Variants in SCML2 observed in about 807,000 individuals in gnomAD.
SCML2 encodes the protein Scm polycomb group protein like 2.
SCML2 carries 6 observed loss-of-function variants against 48.4 expected under a neutral mutation model. That is an observed-to-expected ratio of 0.12 (90% confidence interval 0.07 to 0.24). The LOEUF is 0.24. Ranked by LOEUF, SCML2 falls within the 10% of genes least tolerant of loss-of-function variation. The pLI, the probability that SCML2 is intolerant of heterozygous loss-of-function variation, is 1.00. For synonymous variants in SCML2, 181 were observed against 189.5 expected, an observed-to-expected ratio of 0.95 and a Z score of 0.37; for missense variants, 377 against 528.2, an observed-to-expected ratio of 0.71 and a Z score of 2.81.
intron 11 of SCML2, among the ~76,000 whole-genome samples, chrX:18,251,309 CAAAAAAAAAAAA>C (rs750658948): frequency 0.05 from 340 of 6,762 alleles, 10 homozygotes; most frequent in Admixed American, 0.26. Context: ...GATTCCATTG[CAAAAAAAAAAAA>C]AAAAAAAAAA....
At chrX:18,305,834 T>A (rs1428751038) in intron 6 of SCML2, among the ~76,000 whole-genome samples, 2 of 110,809 alleles carry the variant, frequency 1.8e-5, no homozygotes, top group Admixed American at 1.9e-4. Context: ...ATGGGGTCAT[T>A]TATAATACCC....
chrX:18,307,375 A>G (rs976542237), intron 6 of SCML2, among the ~76,000 whole-genome samples: 2 of 112,031 alleles, frequency 1.8e-5, no homozygotes, highest in African/African-American at 3.2e-5. Flanking sequence ...GTAAGTAAGA[A>G]GCAGTGTTAC....
chrX:18,343,923 TAAAA>T (rs1203495780), intron 1 of SCML2, among the ~76,000 whole-genome samples: 1 of 53,351 alleles, frequency 1.9e-5, no homozygotes, highest in East Asian at 5.5e-4. Context: ...TGCCTCTATT[TAAAA>T]AAAAAAAAAA....
chrX:18,254,537 T>G (rs1926771910), intron 11 of SCML2, among the ~76,000 whole-genome samples: 1 of 112,696 alleles, frequency 8.9e-6, no homozygotes, highest in African/African-American at 3.2e-5. Flanking sequence ...AAACATTTTG[T>G]GTTCAATTTA....
chrX:18,351,529 C>G (rs138906296), intron 1 of SCML2, among the ~76,000 whole-genome samples: 1 of 110,017 alleles, frequency 9.1e-6, no homozygotes, highest in Non-Finnish European at 1.9e-5. Flanking sequence ...TCTTGTATAT[C>G]CTAAAAATCA....
chrX:18,298,261 A>G (rs984760798), intron 7 of SCML2, among the ~76,000 whole-genome samples: 2 of 111,780 alleles, frequency 1.8e-5, no homozygotes, highest in Non-Finnish European at 3.8e-5. Context: ...AGAAATAGAA[A>G]AAACAATCCT....
chrX:18,319,492 T>G (rs973439161), intron 6 of SCML2, among the ~76,000 whole-genome samples: 2 of 106,407 alleles, frequency 1.9e-5, no homozygotes, highest in African/African-American at 7.0e-5. Flanking sequence ...CCCAGCTACT[T>G]GGGAGGCTAA....
chrX:18,277,294 C>G (rs1569146068), intron 7 of SCML2, among the ~76,000 whole-genome samples: 1 of 111,724 alleles, frequency 9.0e-6, no homozygotes. Context: ...TGGTCTCAAC[C>G]TCCTGGCCTC....
intron 1 of SCML2, among the ~76,000 whole-genome samples, chrX:18,343,510 C>T (rs994509743): frequency 1.8e-5 from 2 of 110,675 alleles, no homozygotes; most frequent in African/African-American, 3.3e-5. Context: ...GCCTGTAACA[C>T]AGCATTTTGG....
chrX:18,287,251 A>G (rs1602107123), intron 7 of SCML2, among the ~76,000 whole-genome samples: 1 of 112,257 alleles, frequency 8.9e-6, no homozygotes, highest in African/African-American at 3.2e-5. Context: ...GGGGTCTGAC[A>G]GAACTTCTCA....
At chrX:18,349,810 CA>C (rs777631205) in intron 1 of SCML2, among the ~76,000 whole-genome samples, 3 of 109,496 alleles carry the variant, frequency 2.7e-5, no homozygotes, top group African/African-American at 6.6e-5. Flanking sequence ...AAAAAACAAA[CA>C]AAAAAAAACC....
chrX:18,354,389 A>AGGGGCGTCCGC (rs1184434760), intron 1 of SCML2, among the ~76,000 whole-genome samples: 74 of 111,651 alleles, frequency 6.6e-4, no homozygotes, highest in African/African-American at 2.0e-3. Context: ...AGATCGGCTG[A>AGGGGCGTCCGC]AGGGCGTCCG....
rs1929411186 is a variant in SCML2, at chrX:18,324,225, G to GT, written c.163-133dup. On this transcript the variant is annotated intron_variant, in intron 4 of 14. Coordinates refer to ENST00000251900, the MANE Select transcript of SCML2 (RefSeq NM_006089.3). ...GTGGATGATGAGTGAGGTCAGAGCT[G>GT]TAAGAGTCAAGGAAAAGATCTTCAA... 12 of 454,757 alleles carry GT rather than the reference G, an allele frequency of 2.6e-5. No individual in the cohort carries two copies. The South Asian group carries it at 4.3e-4, about 16-fold the overall frequency. 37.5% of individuals were successfully genotyped at this position (454,757 alleles called of 1,213,427 possible).
In SCML2 at chrX:18,241,101, T is replaced by A. The variant is rs1926250681; in HGVS notation, c.*150A>T. On this transcript the variant is annotated 3_prime_UTR_variant, in exon 15 of 15. Coordinates refer to ENST00000251900, the MANE Select transcript of SCML2 (RefSeq NM_006089.3). The stretch of plus-strand genomic sequence containing the variant: ...GGTGACTCCAGGAAAAAAACAAAGT[T>A]GACTGAACTGTTACTACAGTTCTGC... 2 of 451,304 alleles carry A rather than the reference T, an allele frequency of 4.4e-6. No individual in the cohort carries two copies. The highest frequency in any genetic ancestry group is 5.1e-5 in the African/African-American group (2 of 39,559). The allele number at this position is 451,304 out of a possible 1,213,427, so 37.2% of individuals were successfully genotyped here.
intron 13 of SCML2, among the ~76,000 whole-genome samples, chrX:18,244,878 G>GT (rs1174630365): frequency 9.0e-5 from 10 of 111,402 alleles, no homozygotes; most frequent in African/African-American, 2.9e-4. Context: ...TTAGCTCTAG[G>GT]TAACAGTTCA....
In SCML2 at chrX:18,265,670, G is replaced by A. The variant is rs781249290; in HGVS notation, c.863C>T (p.Pro288Leu). ...QQVRRSSRIKPPGPTAVPKRS... is the reference protein window; with the variant it reads ...QQVRRSSRIKLPGPTAVPKRS... Reference sequence around the variant, plus strand: ...TTTGGGGACTGCAGTAGGTCCAGGTGGTTTAATTCGACTTGATCTCCTGAC... The same window carrying A: ...TTTGGGGACTGCAGTAGGTCCAGGTAGTTTAATTCGACTTGATCTCCTGAC... Residue 288 changes from proline to leucine, a missense_variant, in exon 8 of 15, where the codon CCA becomes CTA. Pro to Leu is a moderately conservative substitution (Grantham distance 98, BLOSUM62 -3). This residue lies in a region of SCML2 where 299 missense variants were observed against 425.5 expected (regional missense o/e 0.70). Transcript: ENST00000251900. 10 of 1,208,557 alleles carry A rather than the reference G, an allele frequency of 8.3e-6. No homozygotes were observed. In the African/African-American group the frequency reaches 1.8e-4, roughly 21 times the overall value.
intron 7 of SCML2, among the ~76,000 whole-genome samples, chrX:18,281,251 C>T (rs1927832750): frequency 8.8e-6 from 1 of 113,301 alleles, no homozygotes; most frequent in Non-Finnish European, 1.9e-5. Context: ...CTGAATAACT[C>T]CTGGGTAAAC....
At chrX:18,337,607 C>T (rs987405771) in intron 1 of SCML2, among the ~76,000 whole-genome samples, 21 of 110,742 alleles carry the variant, frequency 1.9e-4, no homozygotes, top group African/African-American at 6.6e-4. Context: ...AAGAGAGCAT[C>T]AAAATATGTG....
At chrX:18,302,571 T>C (rs1037023609) in intron 7 of SCML2, among the ~76,000 whole-genome samples, 1 of 111,545 alleles carries the variant, frequency 9.0e-6, no homozygotes. Flanking sequence ...ATTACTGCTT[T>C]AAATGTCGAC....
Sources: allele counts gnomAD v4.1 joint callset (sites outside exome capture counted in the v4.1 genomes callset), GRCh38; gene constraint gnomAD v4.1.1; regional missense constraint gnomAD v4.1.1; transcripts MANE v1.5; gene names NCBI Gene and HGNC (gene_info 2026-07-23, HGNC 2026-07-21).